Variants in CCNY observed in about 807,000 individuals in gnomAD.
CCNY encodes the protein cyclin Y.
In CCNY, 19 loss-of-function variants were observed where a neutral mutation model predicts 42.8. The ratio of observed to expected loss-of-function variants is 0.44; its 90% CI spans 0.31 to 0.65. The LOEUF is 0.65. CCNY is among the 30% of genes least tolerant of loss of function. The probability of loss-of-function intolerance (pLI) is 0.07; values close to 1 mark genes in which losing one functional copy is unlikely to be tolerated. For missense variants in CCNY, 370 were observed against 437.3 expected (o/e 0.85, Z 1.37); for synonymous variants, 165 against 162.7 (o/e 1.01, Z -0.11).
At chr10:35,471,991 G>A (rs1308088086) in intron 1 of CCNY, among the ~76,000 whole-genome samples, 1 of 152,236 alleles carries the variant, frequency 6.6e-6, no homozygotes, top group Non-Finnish European at 1.5e-5. Context: ...GCACTCCTTA[G>A]AGAACAGAAA....
intron 1 of CCNY, among the ~76,000 whole-genome samples, chr10:35,417,632 A>T (rs1305847959): frequency 6.6e-6 from 1 of 152,166 alleles, no homozygotes; most frequent in East Asian, 1.9e-4. Context: ...GTGTAGTTTT[A>T]ATTCTAGGGT....
chr10:35,504,929 G>A (rs1451168747), intron 3 of CCNY, among the ~76,000 whole-genome samples: 1 of 152,172 alleles, frequency 6.6e-6, no homozygotes, highest in East Asian at 1.9e-4. Flanking sequence ...GAGCCACTGC[G>A]TCCAGCTAGG....
chr10:35,414,119 A>T (rs1803761246), intron 1 of CCNY, among the ~76,000 whole-genome samples: 1 of 152,236 alleles, frequency 6.6e-6, no homozygotes, highest in South Asian at 2.1e-4. Context: ...CCAGAAACTC[A>T]GCAGCTTAAG....
chr10:35,385,248 T>C (rs771491625), intron 1 of CCNY, among the ~76,000 whole-genome samples: 70 of 152,222 alleles, frequency 4.6e-4, no homozygotes, highest in Non-Finnish European at 9.4e-4. Flanking sequence ...CATACTCTTA[T>C]TGTTTATCCT....
At chr10:35,290,824 C>A (rs1835405139) in intron 3 of CCNY, among the ~76,000 whole-genome samples, 2 of 151,950 alleles carry the variant, frequency 1.3e-5, no homozygotes, top group Admixed American at 6.6e-5. Context: ...ACGAAAAAAA[C>A]AAAACATAAA....
At chr10:35,412,385 CAG>C (rs1033022643) in intron 1 of CCNY, among the ~76,000 whole-genome samples, 2 of 152,116 alleles carry the variant, frequency 1.3e-5, no homozygotes, top group Non-Finnish European at 2.9e-5. Flanking sequence ...TATAGAAGGA[CAG>C]AGGGAGTATA....
chr10:35,485,339 G>C (rs1268745309), intron 2 of CCNY, among the ~76,000 whole-genome samples: 1 of 152,098 alleles, frequency 6.6e-6, no homozygotes, highest in African/African-American at 2.4e-5. Context: ...AAAACTTTTT[G>C]GCCTTCTGTT....
chr10:35,495,307 TG>T (rs1214732350), intron 2 of CCNY, among the ~76,000 whole-genome samples: 1 of 152,248 alleles, frequency 6.6e-6, no homozygotes, highest in African/African-American at 2.4e-5. Flanking sequence ...TTTAAATGGA[TG>T]CCACTTAGCT....
intron 3 of CCNY, among the ~76,000 whole-genome samples, chr10:35,298,509 C>G (rs1201491165): frequency 6.6e-6 from 1 of 151,850 alleles, no homozygotes; most frequent in African/African-American, 2.4e-5. Context: ...GAGTATTATT[C>G]CATTCTTTTC....
chr10:35,364,519 G>A (rs1836768658), intron 1 of CCNY, among the ~76,000 whole-genome samples: 2 of 152,158 alleles, frequency 1.3e-5, no homozygotes, highest in Non-Finnish European at 2.9e-5. Flanking sequence ...TGTGGTGGGG[G>A]CACATATGCC....
chr10:35,425,361 C>G (rs565459297), intron 1 of CCNY, among the ~76,000 whole-genome samples: 7 of 152,120 alleles, frequency 4.6e-5, no homozygotes, highest in Non-Finnish European at 8.8e-5. Context: ...GATTGGAAGG[C>G]GGCTGTTTAA....
At chr10:35,468,009 G>A (rs1839305400) in intron 1 of CCNY, among the ~76,000 whole-genome samples, 1 of 152,152 alleles carries the variant, frequency 6.6e-6, no homozygotes, top group Non-Finnish European at 1.5e-5. Context: ...AGATTTCATT[G>A]ACCATGTTAG....
chr10:35,531,056 G>C (rs551073401), intron 7 of CCNY, among the ~76,000 whole-genome samples: 1 of 152,360 alleles, frequency 6.6e-6, no homozygotes, highest in South Asian at 2.1e-4. Context: ...GGGGCAGAGC[G>C]AGACCCTGTC....
At chr10:35,419,923 ATTTTTTTT>A (rs1218102375) in intron 1 of CCNY, among the ~76,000 whole-genome samples, 1 of 135,610 alleles carries the variant, frequency 7.4e-6, no homozygotes, top group East Asian at 2.1e-4. Flanking sequence ...TATGGCTGTA[ATTTTTTTT>A]TTTTTTTTTT....
intron 7 of CCNY, among the ~76,000 whole-genome samples, chr10:35,552,276 G>A (rs1312345491): frequency 6.6e-6 from 1 of 152,190 alleles, no homozygotes; most frequent in Non-Finnish European, 1.5e-5. Flanking sequence ...AGAAAAGGAC[G>A]AATATTTTAT....
intron 1 of CCNY, among the ~76,000 whole-genome samples, chr10:35,338,012 G>GATA (rs1347397977): frequency 7.2e-5 from 11 of 152,334 alleles, no homozygotes; most frequent in Non-Finnish European, 1.6e-4. Flanking sequence ...GTTGCTCAGT[G>GATA]ATAACGACAG....
chr10:35,287,434 T>G (rs556667471), intron 3 of CCNY, among the ~76,000 whole-genome samples: 1 of 152,226 alleles, frequency 6.6e-6, no homozygotes, highest in East Asian at 1.9e-4. Flanking sequence ...ACCACCAAAA[T>G]CAAGACACAG....
intron 2 of CCNY, among the ~76,000 whole-genome samples, chr10:35,484,699 A>C (rs1839746947): frequency 6.6e-6 from 1 of 152,200 alleles, no homozygotes; most frequent in Non-Finnish European, 1.5e-5. Flanking sequence ...AAAGAGGGTC[A>C]AAACCAAGTT....
chr10:35,441,619 G>A (rs1263140361), intron 1 of CCNY, among the ~76,000 whole-genome samples: 1 of 152,134 alleles, frequency 6.6e-6, no homozygotes, highest in East Asian at 1.9e-4. Context: ...ATGGTGGTGT[G>A]TGCCTGTAGT....
Sources: gnomAD v4.1 joint callset for allele counts (sites outside exome capture counted in the v4.1 genomes callset) on GRCh38, gnomAD v4.1.1 for gene constraint, MANE v1.5 for transcripts, NCBI Gene and HGNC (gene_info 2026-07-23, HGNC 2026-07-21) for gene names.